Variants in FCHSD2 observed in about 807,000 individuals in gnomAD.
FCHSD2 encodes FCH and double SH3 domains 2.
FCHSD2 carries 38 observed loss-of-function variants against 108.1 expected under a neutral mutation model. The observed-to-expected ratio is 0.35, with a 90% CI of 0.27 to 0.46. The LOEUF (loss-of-function observed/expected upper bound fraction) is 0.46. Ranked by LOEUF, FCHSD2 falls within the 20% of genes least tolerant of loss-of-function variation. The pLI, the probability that FCHSD2 is intolerant of heterozygous loss-of-function variation, is 1.00. For synonymous variants in FCHSD2, 279 were observed against 314.7 expected (o/e 0.89, Z 1.20); for missense variants, 751 against 897.8 (o/e 0.84, Z 2.09).
chr11:72,981,572 T>C (rs1185379141), intron 8 of FCHSD2, among the ~76,000 whole-genome samples: 1 of 152,230 alleles, frequency 6.6e-6, no homozygotes, highest in Non-Finnish European at 1.5e-5. Flanking sequence ...ATATAGAATA[T>C]AGTGAATTAC....
In FCHSD2 at chr11:72,997,462, T is replaced by C. The variant is rs116118214; in HGVS notation, c.387+3528A>G. ...CAGTTTTTATCCACAATGTCCAATATTGTGAGTCATAATCAAACAGAAGAC... is the reference window on the plus strand; with the variant it reads ...CAGTTTTTATCCACAATGTCCAATACTGTGAGTCATAATCAAACAGAAGAC... On this transcript the variant is annotated intron_variant, in intron 5 of 19. Transcript: ENST00000409418. Among the ~76,000 whole-genome samples the C allele has an allele frequency of 7.7e-3, 1,175 of 152,126 alleles. 13 individuals are homozygous for C. The highest frequency in any genetic ancestry group is 0.026 in the African/African-American group (1,097 of 41,486).
chr11:73,125,786 AAAAG>A (rs148197824), intron 2 of FCHSD2, among the ~76,000 whole-genome samples: 3,365 of 152,252 alleles, frequency 0.022, 124 homozygotes, highest in African/African-American at 0.075. Context: ...AGAAAAAGAA[AAAAG>A]AAAGAAAGAA....
intron 3 of FCHSD2, among the ~76,000 whole-genome samples, chr11:73,078,226 T>C (rs764169240): frequency 1.3e-5 from 2 of 152,232 alleles, no homozygotes; most frequent in Non-Finnish European, 2.9e-5. Context: ...CACCTGGAAC[T>C]CTCATACATT....
At chr11:72,961,836 T>C (rs1218349182) in intron 8 of FCHSD2, among the ~76,000 whole-genome samples, 1 of 152,244 alleles carries the variant, frequency 6.6e-6, no homozygotes, top group East Asian at 1.9e-4. Flanking sequence ...TAGTGGTATG[T>C]AGTTTGTTTA....
At chr11:73,077,679 C>A in intron 3 of FCHSD2, 1 of 400,016 alleles carries the variant, frequency 2.5e-6, no homozygotes, top group Non-Finnish European at 4.8e-6. Flanking sequence ...TACTACACAG[C>A]AATAAAAAGA....
chr11:73,110,210 G>A (rs947945142), intron 2 of FCHSD2, among the ~76,000 whole-genome samples: 1 of 151,808 alleles, frequency 6.6e-6, no homozygotes, highest in Non-Finnish European at 1.5e-5. Context: ...CTCACAGAAT[G>A]AGTTTAGGAA....
At chr11:73,096,987 A>ATTTTTTTTTT (rs60223064) in intron 2 of FCHSD2, among the ~76,000 whole-genome samples, 2,203 of 27,030 alleles carry the variant, frequency 0.082, 808 homozygotes, top group South Asian at 0.093. Context: ...TCATTGATGG[A>ATTTTTTTTTT]TTTTTTTTTT....
intron 3 of FCHSD2, among the ~76,000 whole-genome samples, chr11:73,030,964 C>T (rs1230926579): frequency 6.6e-6 from 1 of 151,944 alleles, no homozygotes; most frequent in Non-Finnish European, 1.5e-5. Flanking sequence ...ACCTAAGAAA[C>T]TGTAGTATAC....
At chr11:73,134,003 T>C (rs1861064588) in intron 2 of FCHSD2, among the ~76,000 whole-genome samples, 1 of 151,588 alleles carries the variant, frequency 6.6e-6, no homozygotes, top group African/African-American at 2.4e-5. Flanking sequence ...AAAAAAAAAG[T>C]TGAATGGTAC....
At chr11:72,883,178 A>G (rs1450362327) in intron 12 of FCHSD2, among the ~76,000 whole-genome samples, 2 of 152,220 alleles carry the variant, frequency 1.3e-5, no homozygotes, top group Admixed American at 6.5e-5. Flanking sequence ...CAATTTAACT[A>G]GAAATGTTTA....
chr11:73,032,379 T>A (rs1025342880), intron 3 of FCHSD2, among the ~76,000 whole-genome samples: 1 of 151,952 alleles, frequency 6.6e-6, no homozygotes, highest in South Asian at 2.1e-4. Flanking sequence ...CAGGTGTGCA[T>A]TGCCTGGTTA....
chr11:73,130,864 CT>C (rs1860980190), intron 2 of FCHSD2, among the ~76,000 whole-genome samples: 2 of 151,934 alleles, frequency 1.3e-5, no homozygotes, highest in African/African-American at 2.4e-5. Context: ...ATCAGGTAAT[CT>C]TTTTTTCCCT....
At chr11:72,952,311 T>C (rs942029907) in intron 8 of FCHSD2, among the ~76,000 whole-genome samples, 4 of 152,132 alleles carry the variant, frequency 2.6e-5, no homozygotes, top group African/African-American at 9.7e-5. Flanking sequence ...TTTGCTTGTG[T>C]TCACCAAGTT....
intron 3 of FCHSD2, among the ~76,000 whole-genome samples, chr11:73,038,347 GAAAAA>G (rs112268354): frequency 2.0e-5 from 2 of 99,306 alleles, no homozygotes; most frequent in Non-Finnish European, 4.3e-5. Flanking sequence ...GTCTCTTTAA[GAAAAA>G]AAAAAAAAAA....
chr11:73,111,537 T>C (rs1051202543), intron 2 of FCHSD2, among the ~76,000 whole-genome samples: 20 of 152,066 alleles, frequency 1.3e-4, no homozygotes, highest in Non-Finnish European at 2.2e-4. Context: ...TCACTGGATC[T>C]TGTTTTTTTC....
chr11:73,059,383 A>G (rs922648531), intron 3 of FCHSD2, among the ~76,000 whole-genome samples: 1 of 151,440 alleles, frequency 6.6e-6, no homozygotes, highest in African/African-American at 2.4e-5. Context: ...TTCTAGGATT[A>G]AGAAGTTGTA....
chr11:72,983,604 ACTTTT>A (rs1363318853), intron 8 of FCHSD2, among the ~76,000 whole-genome samples: 2 of 152,354 alleles, frequency 1.3e-5, no homozygotes, highest in East Asian at 3.9e-4. Flanking sequence ...TTTGCATAAA[ACTTTT>A]CTTATAAAAA....
chr11:73,006,631 G>T (rs1304724639), intron 4 of FCHSD2, among the ~76,000 whole-genome samples: 4 of 152,206 alleles, frequency 2.6e-5, no homozygotes, highest in Admixed American at 6.5e-5. Context: ...CAACACCTGT[G>T]CTCTGCACAT....
intron 5 of FCHSD2, among the ~76,000 whole-genome samples, chr11:72,989,444 C>T (rs1026794329): frequency 3.3e-5 from 5 of 152,108 alleles, no homozygotes; most frequent in Admixed American, 6.5e-5. Flanking sequence ...AAGAATAAGG[C>T]AATTCTGTAT....
Sources: gnomAD v4.1 joint callset for allele counts (sites outside exome capture counted in the v4.1 genomes callset) on GRCh38, gnomAD v4.1.1 for gene constraint, MANE v1.5 for transcripts, NCBI Gene and HGNC (gene_info 2026-07-23, HGNC 2026-07-21) for gene names.